TMEM145: variants seen among roughly 807,000 people sequenced by gnomAD.
The protein encoded by TMEM145 is transmembrane protein 145.
TMEM145 carries 46 observed loss-of-function variants against 68.5 expected under a neutral mutation model. The observed-to-expected ratio is 0.67, with a 90% CI of 0.53 to 0.86. TMEM145 has a LOEUF of 0.86. TMEM145 is among the 40% of genes least tolerant of loss of function. The probability of loss-of-function intolerance (pLI) is 0.00; values close to 1 mark genes in which losing one functional copy is unlikely to be tolerated. For missense variants in TMEM145, 570 were observed against 645.8 expected (o/e 0.88, Z 1.27); for synonymous variants, 255 against 280.2 (o/e 0.91, Z 0.90).
intron 13 of TMEM145, among the ~76,000 whole-genome samples, chr19:42,322,865 T>C (rs1455541302): frequency 6.6e-6 from 1 of 152,020 alleles, no homozygotes; most frequent in Non-Finnish European, 1.5e-5. Flanking sequence ...CACACCTGGC[T>C]AATTTTTGTA....
Position 42,314,482 on chromosome 19 carries a change from T to G in TMEM145, c.227T>G (p.Phe76Cys). The G allele has an allele frequency of 6.2e-7, 1 of 1,614,080 alleles. No homozygotes were observed. Among genetic ancestry groups the G allele is most frequent in the Non-Finnish European group, 8.5e-7 (1 of 1,179,996 alleles). The change falls in exon 3 of 15, where the codon TTT becomes TGT. Residue 76 changes from phenylalanine (F) to cysteine (C), a missense_variant. Transcript: ENST00000301204. ...TGCTGTCAGAACATCCTCCTCTATT[T>G]TGATGACCCATCCCAGTGGCCAGCC... ...AKCCQNILLY[F>C]DDPSQWPAVY...
intron 13 of TMEM145, among the ~76,000 whole-genome samples, chr19:42,322,422 C>G (rs575527253): frequency 6.0e-4 from 91 of 152,334 alleles, no homozygotes; most frequent in Admixed American, 1.3e-3. Flanking sequence ...AGGCGGGATG[C>G]AGGCTCAGAA....
chr19:42,313,473 C>T lies in TMEM145; in HGVS notation c.97C>T (p.Arg33Trp). The T allele has an allele frequency of 1.5e-6, 2 of 1,346,286 alleles. No individual in the cohort carries two copies. Among genetic ancestry groups the T allele is most frequent in the African/African-American group, 1.5e-5 (1 of 65,272 alleles). 83.4% of individuals were successfully genotyped at this position (1,346,286 alleles called of 1,614,324 possible). Reference protein sequence around the residue: ...LPPRARAKYVRGNLSSKEDWV... With the variant: ...LPPRARAKYVWGNLSSKEDWV... ...CCCCCGCGCCCGGGCCAAGTACGTG[C>T]GGGGCAACCTCAGTTCCAAGGAGGT... Residue 33 changes from arginine (R) to tryptophan (W), a missense_variant, in exon 1 of 15, where the codon CGG becomes TGG. Transcript: ENST00000301204. The surrounding 1 kb of genome is among the most constrained non-coding windows in gnomAD (Gnocchi z 5.1).
Position 42,314,691 on chromosome 19 carries a change from G to A in TMEM145, c.352G>A (p.Gly118Ser), listed in dbSNP as rs762662851. ...INLTTQYAWS[G>S]CQVVSEEGTR... ...CCTCACCACCCAGTATGCCTGGTCC[G>A]GCTGTCAGGTGCAGGCTCAGCCTGG... The change falls in exon 4 of 15, where the codon GGC (glycine) becomes AGC (serine). Residue 118 changes from glycine (G) to serine (S), a missense_variant. By Grantham distance (56) the Gly-to-Ser change is moderately conservative (BLOSUM62 0). Coordinates refer to ENST00000301204, the MANE Select transcript of TMEM145 (RefSeq NM_173633.3). 7.4e-6 allele frequency: 12 copies of A among 1,614,052 alleles called. No homozygotes were observed. Among genetic ancestry groups the A allele is most frequent in the Middle Eastern group, 1.6e-4 (1 of 6,084 alleles).
chr19:42,320,950 C>T (rs1287913583), intron 13 of TMEM145: 1 of 398,598 alleles, frequency 2.5e-6, no homozygotes, highest in South Asian at 1.4e-4. Context: ...TCTTCTGTTC[C>T]CCTCTCCAAC....
chr19:42,319,195 A>G (rs1389056054), intron 12 of TMEM145, among the ~76,000 whole-genome samples: 1 of 152,202 alleles, frequency 6.6e-6, no homozygotes, highest in Non-Finnish European at 1.5e-5. Flanking sequence ...TCTGAGCCAG[A>G]CTGTCCGGGT....
intron 13 of TMEM145, among the ~76,000 whole-genome samples, chr19:42,322,492 C>T (rs542710332): frequency 1.8e-4 from 27 of 152,220 alleles, no homozygotes; most frequent in African/African-American, 5.5e-4. Context: ...AGGATGCTCA[C>T]GTTAGCTCAG....
rs189369398 is a variant in TMEM145 at position 42,317,918 on chromosome 19, C to G, written c.1073+37C>G. The G allele has an allele frequency of 4.5e-4, 727 of 1,610,758 alleles. 7 individuals carry two copies. The East Asian group carries it at 0.01, about 23-fold the overall frequency. ...TGGGCCCCAGCCTGTCCCTGCCTCC[C>G]TCTCGGGGCTCCCCAGAAGTGGTTG... On this transcript the variant is annotated intron_variant, in intron 12 of 14. Coordinates refer to ENST00000301204, the MANE Select transcript of TMEM145 (RefSeq NM_173633.3).
intron 13 of TMEM145, among the ~76,000 whole-genome samples, chr19:42,320,850 A>G (rs1409286230): frequency 6.6e-6 from 1 of 151,994 alleles, no homozygotes; most frequent in Non-Finnish European, 1.5e-5. Flanking sequence ...GCTAGTCTCA[A>G]ACTCCTGACC....
At position 42,316,536 on chromosome 19, in the gene TMEM145, T is replaced by C. The variant is rs755211654; in HGVS notation, c.702T>C (p.Ile234=). The C allele has an allele frequency of 6.2e-7, 1 of 1,614,162 alleles. No homozygotes were observed. Among genetic ancestry groups the C allele is most frequent in the Non-Finnish European group, 8.5e-7 (1 of 1,180,006 alleles). The stretch of plus-strand genomic sequence containing the variant: ...GGGGTCAATATGCCACCGATGGCAT[T>C]GGCAACGAGAGTGTGAAGATCTTGG... The part of the protein sequence containing the change: ...IYWGQYATDG[I]GNESVKILAK... Residue 234 remains isoleucine, a synonymous_variant, in exon 9 of 15, where the codon ATT becomes ATC. Transcript: ENST00000301204.
chr19:42,323,888 C>T, intron 14 of TMEM145, 99 bp downstream of exon 14: 1 of 1,059,834 alleles, frequency 9.4e-7, no homozygotes, highest in Non-Finnish European at 1.4e-6. Flanking sequence ...CGCCCGGACC[C>T]CTGAGCCCTC....
At chr19:42,316,588 G>A in intron 9 of TMEM145, 27 bp downstream of exon 9, 1 of 1,613,988 alleles carries the variant, frequency 6.2e-7, no homozygotes, top group Non-Finnish European at 8.5e-7. Context: ...GTGGGGAGAG[G>A]GTGGAGCCCA....
intron 14 of TMEM145, chr19:42,324,246 C>T: frequency 1.0e-6 from 1 of 984,658 alleles, no homozygotes; most frequent in Non-Finnish European, 1.2e-6. Context: ...CCGAGGGTCC[C>T]GGACGGCCTC....
intron 14 of TMEM145, chr19:42,324,271 C>T (rs2038945797): frequency 3.0e-6 from 3 of 985,304 alleles, no homozygotes; most frequent in Non-Finnish European, 2.4e-6. Context: ...CCTGACCCCC[C>T]TCCCAGGCCG....
rs2038846170 is a variant in TMEM145 at position 42,315,357 on chromosome 19, T to A, written c.578-15T>A. The A allele has an allele frequency of 6.2e-7, 1 of 1,614,076 alleles. No homozygotes were observed. The highest frequency in any genetic ancestry group is 1.3e-5 in the African/African-American group (1 of 74,920). On this transcript the variant is annotated splice_polypyrimidine_tract_variant and intron_variant, in intron 7 of 14. Transcript: ENST00000301204. ...TTTCTGCCTGTGGACAGCCTTTCCC[T>A]ACCTTGCTTCCTAGATTTGCTGAAA...
At chr19:42,319,637 T>G (rs2038892594) in intron 12 of TMEM145, among the ~76,000 whole-genome samples, 1 of 151,556 alleles carries the variant, frequency 6.6e-6, no homozygotes, top group Non-Finnish European at 1.5e-5. Context: ...AGTAGAGATG[T>G]GGTTTCCACC....
In TMEM145 at chr19:42,323,876, A is replaced by G. The variant is rs543441366; in HGVS notation, c.1401+87A>G. The G allele has an allele frequency of 2.5e-5, 28 of 1,134,880 alleles. No homozygotes were observed. In the African/African-American group the frequency reaches 6.3e-4, roughly 25 times the overall value. The allele number at this position is 1,134,880 out of a possible 1,614,324, so 70.3% of individuals were successfully genotyped here. Reference sequence around the variant, plus strand: ...CGCTCCCGGCCCCGCCGCCGCCCCCAGCGCCCGGACCCCTGAGCCCTCCTC... The same window carrying G: ...CGCTCCCGGCCCCGCCGCCGCCCCCGGCGCCCGGACCCCTGAGCCCTCCTC... On this transcript the variant is annotated intron_variant, in intron 14 of 14. Transcript: ENST00000301204.
intron 8 of TMEM145, among the ~76,000 whole-genome samples, 177 bp from the exon 9 acceptor site, chr19:42,316,304 C>T (rs527921332): frequency 8.1e-5 from 12 of 148,894 alleles, no homozygotes; most frequent in African/African-American, 2.7e-4. Context: ...CCCCTGGGTC[C>T]TTGGGGAGCA....
At chr19:42,315,952 C>T (rs147988566) in intron 8 of TMEM145, among the ~76,000 whole-genome samples, 1 of 152,258 alleles carries the variant, frequency 6.6e-6, no homozygotes, top group Non-Finnish European at 1.5e-5. Context: ...ATTGCTTGAA[C>T]CCGGGAGGTG....
Sources: gnomAD v4.1 joint callset for allele counts (sites outside exome capture counted in the v4.1 genomes callset) on GRCh38, gnomAD v4.1.1 for gene constraint, Gnocchi (gnomAD v3.1) non-coding constraint, MANE v1.5 for transcripts, NCBI Gene and HGNC (gene_info 2026-07-23, HGNC 2026-07-21) for gene names.